Variants in CDS1 observed in about 807,000 individuals in gnomAD.
CDS1 encodes CDP-diacylglycerol synthase 1.
A neutral mutation model predicts 62.1 loss-of-function variants in CDS1; 41 were observed. That is an observed-to-expected ratio of 0.66 (90% CI 0.51 to 0.86). The LOEUF (loss-of-function observed/expected upper bound fraction) is 0.86. Among genes scored for constraint, CDS1 ranks in the 40% least tolerant of loss-of-function variants. CDS1 has a pLI of 0.00. For missense variants in CDS1, 470 were observed against 550.1 expected, an observed-to-expected ratio of 0.85 and a Z score of 1.46; for synonymous variants, 185 against 192.6, an observed-to-expected ratio of 0.96 and a Z score of 0.32.
chr4:84,619,660 T>A, intron 5 of CDS1, 127 bp downstream of exon 5: 1 of 571,674 alleles, frequency 1.7e-6, no homozygotes, highest in Non-Finnish European at 2.9e-6. Flanking sequence ...TCATTGTTTC[T>A]TGTGTATAAA....
intron 3 of CDS1, among the ~76,000 whole-genome samples, chr4:84,609,883 G>T (rs1165092380): frequency 1.3e-5 from 2 of 152,044 alleles, no homozygotes; most frequent in African/African-American, 2.4e-5. Flanking sequence ...GCTTGGAGTA[G>T]TGGTTCACGC....
chr4:84,645,685 T>C (rs1724535789), intron 12 of CDS1, among the ~76,000 whole-genome samples: 1 of 152,174 alleles, frequency 6.6e-6, no homozygotes, highest in Non-Finnish European at 1.5e-5. Context: ...AGTCTACCAA[T>C]TATTACTTGA....
chr4:84,611,059 G>T (rs1723304703), intron 3 of CDS1, among the ~76,000 whole-genome samples: 1 of 152,252 alleles, frequency 6.6e-6, no homozygotes, highest in African/African-American at 2.4e-5. Flanking sequence ...CACGTGGGCT[G>T]CAATCTGAAG....
rs1269192180 is a variant in CDS1, at chr4:84,617,880, A to G, written c.440+219A>G. Among the ~76,000 whole-genome samples the G allele has an allele frequency of 2.0e-5, 3 of 152,278 alleles. No homozygotes were observed. In the East Asian group the frequency reaches 5.8e-4, roughly 29 times the overall value. On this transcript the variant is annotated intron_variant, in intron 4 of 12. Transcript: ENST00000295887. ...CTCATATTTTAGTCTTTGTAGAGAT[A>G]TCTAATATGTGAATATATACACCAT...
intron 1 of CDS1, among the ~76,000 whole-genome samples, chr4:84,600,181 C>T (rs147876591): frequency 3.2e-4 from 49 of 152,104 alleles, no homozygotes; most frequent in African/African-American, 1.1e-3. Context: ...GTGCATTGCC[C>T]CTGAAATGTC....
chr4:84,616,232 T>G (rs1723489597), intron 3 of CDS1, among the ~76,000 whole-genome samples: 1 of 152,264 alleles, frequency 6.6e-6, no homozygotes, highest in African/African-American at 2.4e-5. Context: ...AGAAGGACAC[T>G]TAGATTTCCT....
In CDS1 at chr4:84,645,246, C is replaced by T. The variant is rs1724521755; in HGVS notation, c.1177C>T (p.His393Tyr). ...GGATTTTGCAAATACCATTCCTGGACATGGTGGGATAATGGACAGATTTGA... is the reference window on the plus strand; with the variant it reads ...GGATTTTGCAAATACCATTCCTGGATATGGTGGGATAATGGACAGATTTGA... The part of the protein sequence containing the change: ...IKDFANTIPG[H>Y]GGIMDRFDCQ... Residue 393 changes from histidine (H) to tyrosine (Y), a missense_variant, in exon 12 of 13, where the codon CAT becomes TAT. Transcript: ENST00000295887. The T allele has an allele frequency of 6.2e-7, 1 of 1,611,568 alleles. No individual in the cohort carries two copies. Among genetic ancestry groups the T allele is most frequent in the Non-Finnish European group, 8.5e-7 (1 of 1,177,938 alleles).
intron 1 of CDS1, among the ~76,000 whole-genome samples, chr4:84,583,944 A>G (rs1305414450): frequency 6.6e-6 from 1 of 152,124 alleles, no homozygotes; most frequent in Non-Finnish European, 1.5e-5. Context: ...CGTCGGCTGT[A>G]TCATTTCATC....
At chr4:84,607,760 T>A (rs886541684) in intron 2 of CDS1, among the ~76,000 whole-genome samples, 3 of 152,110 alleles carry the variant, frequency 2.0e-5, no homozygotes, top group Admixed American at 1.3e-4. Flanking sequence ...GAGTGAGGAC[T>A]TGTGCTTAGA....
chr4:84,591,871 C>T (rs1395177661), intron 1 of CDS1, among the ~76,000 whole-genome samples: 3 of 152,120 alleles, frequency 2.0e-5, no homozygotes, highest in Admixed American at 2.0e-4. Context: ...TGACTTTGGA[C>T]TAATTTGGTC....
intron 12 of CDS1, among the ~76,000 whole-genome samples, 193 bp from the exon 13 acceptor site, chr4:84,648,362 TTC>T (rs1318596367): frequency 1.3e-5 from 2 of 152,210 alleles, no homozygotes; most frequent in Non-Finnish European, 2.9e-5. Flanking sequence ...TGTTTGTGCA[TTC>T]TTTCTCCCTC....
rs1156896169 is a variant in CDS1, at chr4:84,583,156, G to A, written c.-246G>A. The A allele has an allele frequency of 6.9e-6, 3 of 437,094 alleles. No individual in the cohort carries two copies. The highest frequency in any genetic ancestry group is 8.1e-6 in the Non-Finnish European group (2 of 246,208). 27.1% of individuals were successfully genotyped at this position (437,094 alleles called of 1,614,324 possible). The stretch of plus-strand genomic sequence containing the variant: ...TCTCTGCTCGCGCCTGGCGCCCGGA[G>A]CCTGCCCGGGACCTCCGCCGGAGCC... On this transcript the variant is annotated 5_prime_UTR_variant, in exon 1 of 13. Coordinates refer to ENST00000295887, the MANE Select transcript of CDS1 (RefSeq NM_001263.4).
intron 1 of CDS1, among the ~76,000 whole-genome samples, chr4:84,597,944 G>A (rs1215873159): frequency 6.6e-6 from 1 of 151,984 alleles, no homozygotes; most frequent in African/African-American, 2.4e-5. Flanking sequence ...GGCTAAAACA[G>A]TGAAACCCCG....
intron 5 of CDS1, among the ~76,000 whole-genome samples, chr4:84,623,706 A>G (rs1012719715): frequency 6.6e-6 from 1 of 152,158 alleles, no homozygotes; most frequent in African/African-American, 2.4e-5. Flanking sequence ...GCTTAGAACA[A>G]TTTGTTATTT....
At position 84,604,351 on chromosome 4, in the gene CDS1, C is replaced by CT; in HGVS notation, c.227dup (p.Ser77IlefsTer49). ...AACCCCTGAGATTCTCAAAAAAGCT[C>CT]TATCTGGTTTATCTTCAAGGTATGA... is the stretch of plus-strand genomic sequence containing the variant. On this transcript the variant is annotated frameshift_variant, in exon 2 of 13. Transcript: ENST00000295887. LOFTEE classifies it high-confidence loss of function. 6.2e-7 allele frequency: 1 copy of CT among 1,613,314 alleles called. No homozygotes were observed. The highest frequency in any genetic ancestry group is 8.5e-7 in the Non-Finnish European group (1 of 1,179,518).
At chr4:84,594,692 C>T (rs1209273700) in intron 1 of CDS1, among the ~76,000 whole-genome samples, 1 of 152,046 alleles carries the variant, frequency 6.6e-6, no homozygotes, top group Non-Finnish European at 1.5e-5. Context: ...CAATGATCAT[C>T]AGCATACCTA....
intron 8 of CDS1, among the ~76,000 whole-genome samples, chr4:84,638,281 T>A (rs1014646517): frequency 4.6e-5 from 7 of 152,134 alleles, no homozygotes; most frequent in Non-Finnish European, 8.8e-5. Context: ...AAACAATATC[T>A]CTTCTTTGAA....
chr4:84,611,178 G>GTAATAATGTGACTAACATTGTGCAT (rs1723308156), intron 3 of CDS1, among the ~76,000 whole-genome samples: 1 of 152,130 alleles, frequency 6.6e-6, no homozygotes, highest in African/African-American at 2.4e-5. Context: ...AACATTTGAA[G>GTAATAATGTGACTAACATTGTGCAT]CCCACAAGTG....
Position 84,604,229 on chromosome 4 carries a change from C to A in CDS1, c.118-14C>A. The A allele has an allele frequency of 6.2e-7, 1 of 1,603,228 alleles. No individual in the cohort carries two copies. The highest frequency in any genetic ancestry group is 8.5e-7 in the Non-Finnish European group (1 of 1,175,936). ...AACGTGATTTTGCAAAGTAATTTGT[C>A]TTTTTAATTTTAGGAAACAGATATT... is the stretch of plus-strand genomic sequence containing the variant. On this transcript the variant is annotated splice_polypyrimidine_tract_variant and intron_variant, in intron 1 of 12. Transcript: ENST00000295887.
Sources: allele counts gnomAD v4.1 joint callset (sites outside exome capture counted in the v4.1 genomes callset), GRCh38; gene constraint gnomAD v4.1.1; transcripts MANE v1.5; gene names NCBI Gene and HGNC (gene_info 2026-07-23, HGNC 2026-07-21).